Variants in CYRIA observed in about 807,000 individuals in gnomAD.
CYRIA encodes the protein CYFIP related Rac1 interactor A.
In CYRIA, 15 loss-of-function variants were observed where a neutral mutation model predicts 43.9. That is an observed-to-expected ratio of 0.34 (90% CI 0.23 to 0.53). The LOEUF (loss-of-function observed/expected upper bound fraction) is 0.53, where lower values mean the gene tolerates loss of function less well. Ranked by LOEUF, CYRIA falls within the 20% of genes least tolerant of loss-of-function variation. The pLI, the probability that CYRIA is intolerant of heterozygous loss-of-function variation, is 0.94. For missense variants in CYRIA, 236 were observed against 394.2 expected, an observed-to-expected ratio of 0.60 and a Z score of 3.40; for synonymous variants, 117 against 136.0, an observed-to-expected ratio of 0.86 and a Z score of 0.97.
At chr2:16,582,802 A>G (rs999280887) in intron 3 of CYRIA, among the ~76,000 whole-genome samples, 1 of 152,216 alleles carries the variant, frequency 6.6e-6, no homozygotes, top group Non-Finnish European at 1.5e-5. Flanking sequence ...AGCTATTATA[A>G]ATAATGCTGC....
chr2:16,563,443 G>C (rs1442693413), intron 5 of CYRIA, among the ~76,000 whole-genome samples: 1 of 152,156 alleles, frequency 6.6e-6, no homozygotes, highest in Non-Finnish European at 1.5e-5. Context: ...ATTAACCAAT[G>C]AAGCATCCTC....
chr2:16,566,689 GCTCTTC>G (rs1285935844), intron 3 of CYRIA, among the ~76,000 whole-genome samples: 2 of 152,186 alleles, frequency 1.3e-5, no homozygotes, highest in Admixed American at 6.5e-5. Flanking sequence ...GCACCCTTGA[GCTCTTC>G]AGTGAATTCT....
At position 16,565,778 on chromosome 2, in the gene CYRIA, G is replaced by C. The variant is rs373784929; in HGVS notation, c.71-11C>G. Reference sequence around the variant, plus strand: ...CTGTAGGCTGAGCATCTAAGAAACAGGGAAACCGAGAGACAGAGTGCTGGT... The same window carrying C: ...CTGTAGGCTGAGCATCTAAGAAACACGGAAACCGAGAGACAGAGTGCTGGT... On this transcript the variant is annotated splice_polypyrimidine_tract_variant and intron_variant, in intron 3 of 11. Transcript: ENST00000381323. The C allele has an allele frequency of 1.0e-5, 16 of 1,552,128 alleles. No individual in the cohort carries two copies. Among genetic ancestry groups the C allele is most frequent in the Non-Finnish European group, 1.4e-5 (16 of 1,135,908 alleles).
At chr2:16,577,208 A>G (rs2103439388) in intron 3 of CYRIA, among the ~76,000 whole-genome samples, 1 of 152,296 alleles carries the variant, frequency 6.6e-6, no homozygotes, top group South Asian at 2.1e-4. Context: ...ATAATCCAAT[A>G]TATTTTGTGA....
chr2:16,602,246 A>T (rs1261228240), intron 2 of CYRIA, among the ~76,000 whole-genome samples: 1 of 152,170 alleles, frequency 6.6e-6, no homozygotes, highest in Non-Finnish European at 1.5e-5. Flanking sequence ...ATTTTGAATG[A>T]CCCAATACCT....
chr2:16,652,635 G>A (rs1001259359), intron 1 of CYRIA, among the ~76,000 whole-genome samples: 4 of 152,262 alleles, frequency 2.6e-5, no homozygotes, highest in East Asian at 3.9e-4. Flanking sequence ...CACCCTCTGC[G>A]TCAGCAAAGT....
At chr2:16,586,271 AATGG>A (rs1667726013) in intron 3 of CYRIA, among the ~76,000 whole-genome samples, 5 of 152,176 alleles carry the variant, frequency 3.3e-5, no homozygotes, top group African/African-American at 1.2e-4. Context: ...TCTGATAAGA[AATGG>A]ATGGGAACAA....
In CYRIA at chr2:16,552,845, T is replaced by C; in HGVS notation, c.*91A>G. ...GACAAGAAGGAAACGGTTATGTAAATACACAAGTATTAACATCAATCTGTA... is the reference window on the plus strand; with the variant it reads ...GACAAGAAGGAAACGGTTATGTAAACACACAAGTATTAACATCAATCTGTA... On this transcript the variant is annotated 3_prime_UTR_variant, in exon 12 of 12. Coordinates refer to ENST00000381323, the MANE Select transcript of CYRIA (RefSeq NM_030797.4). 1 of 844,248 alleles carries C rather than the reference T, an allele frequency of 1.2e-6. No homozygotes were observed. The highest frequency in any genetic ancestry group is 1.4e-5 in the South Asian group (1 of 71,006). The allele number at this position is 844,248 out of a possible 1,614,324, so 52.3% of individuals were successfully genotyped here.
chr2:16,642,363 T>G (rs1467157871), intron 1 of CYRIA, among the ~76,000 whole-genome samples: 1 of 152,212 alleles, frequency 6.6e-6, no homozygotes, highest in Non-Finnish European at 1.5e-5. Flanking sequence ...ACAAAAACAG[T>G]GAGTCATCTG....
At chr2:16,553,069 CT>C (rs1666371546) in intron 11 of CYRIA, 70 bp from the exon 12 acceptor site, 2 of 947,230 alleles carry the variant, frequency 2.1e-6, no homozygotes, top group Non-Finnish European at 3.5e-6. Flanking sequence ...CCATCTTTAC[CT>C]TCGGAAACAC....
intron 1 of CYRIA, among the ~76,000 whole-genome samples, chr2:16,624,536 G>A (rs1486212628): frequency 6.6e-6 from 1 of 152,104 alleles, no homozygotes; most frequent in East Asian, 1.9e-4. Flanking sequence ...AAAATACCAT[G>A]ACCCATGAAC....
intron 2 of CYRIA, among the ~76,000 whole-genome samples, chr2:16,590,542 G>C (rs1049032388): frequency 2.0e-5 from 3 of 152,128 alleles, no homozygotes; most frequent in African/African-American, 7.2e-5. Context: ...TTTACTGTCA[G>C]AGTACCTAAG....
At chr2:16,660,871 T>C (rs1007735602) in intron 1 of CYRIA, among the ~76,000 whole-genome samples, 1 of 152,216 alleles carries the variant, frequency 6.6e-6, no homozygotes, top group Non-Finnish European at 1.5e-5. Flanking sequence ...CTGGGAAACA[T>C]GGCACCCATT....
chr2:16,660,683 C>T (rs1670229463), intron 1 of CYRIA, among the ~76,000 whole-genome samples: 1 of 152,236 alleles, frequency 6.6e-6, no homozygotes, highest in Non-Finnish European at 1.5e-5. Context: ...GCAATTAAAC[C>T]CTTTGGGGCA....
chr2:16,629,914 C>T (rs1488702732), intron 1 of CYRIA, among the ~76,000 whole-genome samples: 2 of 152,118 alleles, frequency 1.3e-5, no homozygotes, highest in African/African-American at 4.8e-5. Flanking sequence ...TTGTCTGATG[C>T]CACCCAGCAT....
At chr2:16,562,871 C>A (rs976942584) in intron 5 of CYRIA, among the ~76,000 whole-genome samples, 2 of 150,610 alleles carry the variant, frequency 1.3e-5, no homozygotes, top group African/African-American at 4.9e-5. Context: ...ATGACTAGGG[C>A]TGCCTTTACA....
intron 9 of CYRIA, 22 bp downstream of exon 9, chr2:16,560,968 A>G: frequency 6.2e-7 from 1 of 1,607,674 alleles, no homozygotes; most frequent in African/African-American, 1.3e-5. Context: ...TCAACCACGA[A>G]TACATCTCTG....
chr2:16,569,335 G>A (rs1284596398), intron 3 of CYRIA, among the ~76,000 whole-genome samples: 1 of 152,168 alleles, frequency 6.6e-6, no homozygotes, highest in Admixed American at 6.5e-5. Flanking sequence ...ATTTCCTGGT[G>A]TCCTATTAGA....
chr2:16,645,194 A>C (rs1013222669), intron 1 of CYRIA, among the ~76,000 whole-genome samples: 1 of 152,222 alleles, frequency 6.6e-6, no homozygotes, highest in African/African-American at 2.4e-5. Context: ...CAAATGACTT[A>C]TGTTCAGCAT....
Sources: allele counts gnomAD v4.1 joint callset (sites outside exome capture counted in the v4.1 genomes callset), GRCh38; gene constraint gnomAD v4.1.1; transcripts MANE v1.5; gene names NCBI Gene and HGNC (gene_info 2026-07-23, HGNC 2026-07-21).